Variants in DYRK1B observed in about 807,000 individuals in gnomAD.
DYRK1B encodes the protein dual specificity tyrosine phosphorylation regulated kinase 1B.
A neutral mutation model predicts 57.1 loss-of-function variants in DYRK1B; 20 were observed. The observed-to-expected ratio is 0.35, with a 90% CI of 0.25 to 0.51. DYRK1B has a LOEUF of 0.51. DYRK1B is among the 20% of genes least tolerant of loss of function. The pLI is 0.96. For missense variants in DYRK1B, 732 were observed against 886.3 expected (o/e 0.83, Z 2.21); for synonymous variants, 409 against 384.7 (o/e 1.06, Z -0.74).
rs146845211 is a variant in DYRK1B, at chr19:39,825,922, C to T, written c.1683G>A (p.Pro561=). The T allele has an allele frequency of 1.8e-5, 27 of 1,505,258 alleles. 1 individual carries two copies. Among genetic ancestry groups the T allele is most frequent in the Middle Eastern group, 3.6e-4 (2 of 5,618 alleles). The allele number at this position is 1,505,258 out of a possible 1,614,324, so 93.2% of individuals were successfully genotyped here. Residue 561 remains proline, a synonymous_variant, in exon 11 of 11, where the codon CCG becomes CCA. Coordinates refer to ENST00000323039, the MANE Select transcript of DYRK1B (RefSeq NM_004714.3). The stretch of plus-strand genomic sequence containing the variant: ...CCACCAGGCTCACATCCATCAGCTC[C>T]GGGGGTGGTGGTGAGGTTGGTGATG... ...RPPSPTSPPP[P]ELMDVSLVGG...
chr19:39,827,737 G>A (rs1178404770), intron 6 of DYRK1B, 81 bp from the exon 7 acceptor site: 3 of 1,524,502 alleles, frequency 2.0e-6, no homozygotes, highest in Middle Eastern at 1.7e-4. Flanking sequence ...GGACCCAACT[G>A]AGGACAGGCT....
chr19:39,829,223 T>C (rs1968690172), intron 5 of DYRK1B, among the ~76,000 whole-genome samples: 1 of 151,672 alleles, frequency 6.6e-6, no homozygotes, highest in African/African-American at 2.4e-5. Flanking sequence ...GGTTTTTTGT[T>C]TGTTTTGGGT....
At position 39,826,083 on chromosome 19, in the gene DYRK1B, G is replaced by A; in HGVS notation, c.1522C>T (p.Pro508Ser). The A allele has an allele frequency of 6.6e-7, 1 of 1,525,236 alleles. No individual in the cohort carries two copies. The allele number at this position is 1,525,236 out of a possible 1,614,324, so 94.5% of individuals were successfully genotyped here. ...CAGGGCCGCAGCGGCTGGGAGGGTG[G>A]GACCTAAAAAAGCAAAGGAGCCATG... is the stretch of plus-strand genomic sequence containing the variant. Reference protein sequence around the residue: ...TDCEMNSPQVPPSQPLRPWAG... With the variant: ...TDCEMNSPQVSPSQPLRPWAG... Residue 508 changes from proline (P) to serine (S), a missense_variant, in exon 11 of 11, where the codon CCA (proline) becomes TCA (serine). Pro to Ser is a moderately conservative substitution (Grantham distance 74, BLOSUM62 -1). Around this residue, in one of 2 missense-constraint regions of DYRK1B, gnomAD observed 222 missense variants for 205.0 expected, o/e 1.08. Coordinates refer to ENST00000323039, the MANE Select transcript of DYRK1B (RefSeq NM_004714.3). This position sits in a 1 kb window ranked among gnomAD's most constrained non-coding sequence, Gnocchi z 6.3.
At chr19:39,831,746 C>T in intron 2 of DYRK1B, 59 bp downstream of exon 2, 3 of 1,546,088 alleles carry the variant, frequency 1.9e-6, no homozygotes, top group Non-Finnish European at 2.6e-6. Flanking sequence ...GTCTGGAGAC[C>T]TTTCTATCCC....
chr19:39,831,781 G>A (rs781110345), intron 2 of DYRK1B, 24 bp downstream of exon 2: 8 of 1,549,110 alleles, frequency 5.2e-6, no homozygotes, highest in Non-Finnish European at 3.5e-6. Context: ...CACCACGCAG[G>A]TGAGGAGCCA....
At chr19:39,831,667 T>A in intron 2 of DYRK1B, 138 bp downstream of exon 2, 1 of 1,140,348 alleles carries the variant, frequency 8.8e-7, no homozygotes, top group Non-Finnish European at 1.3e-6. Context: ...AACTCCTCTG[T>A]TATTTTCCAA....
rs369511200 is a variant in DYRK1B, at chr19:39,828,288, G to A, written c.807+9C>T. ...CTAGCCGTGCTCCCAGGACCGGGCC[G>A]CCCCCTACCCTCTGGCCAAGCTGGC... On this transcript the variant is annotated intron_variant, in intron 6 of 10. Coordinates refer to ENST00000323039, the MANE Select transcript of DYRK1B (RefSeq NM_004714.3). This position sits in a 1 kb window ranked among gnomAD's most constrained non-coding sequence, Gnocchi z 4.3. The A allele has an allele frequency of 9.4e-5, 151 of 1,613,176 alleles. No individual in the cohort carries two copies. The African/African-American group carries it at 9.5e-4, about 10-fold the overall frequency.
chr19:39,826,314 G>T lies in DYRK1B; in HGVS notation c.1412-28C>A, dbSNP rs769863099. ...GGAAGTGCCAGGGAGGAGAGGTGAA[G>T]GGGCATAAGGTGAGAGAAGGTGGCG... is the stretch of plus-strand genomic sequence containing the variant. On this transcript the variant is annotated intron_variant, in intron 9 of 10. Coordinates refer to ENST00000323039, the MANE Select transcript of DYRK1B (RefSeq NM_004714.3). This position sits in a 1 kb window ranked among gnomAD's most constrained non-coding sequence, Gnocchi z 6.3. 1 of 1,521,524 alleles carries T rather than the reference G, an allele frequency of 6.6e-7. No homozygotes were observed. Among genetic ancestry groups the T allele is most frequent in the Admixed American group, 2.2e-5 (1 of 45,246 alleles). The allele number at this position is 1,521,524 out of a possible 1,614,324, so 94.3% of individuals were successfully genotyped here. A position where few individuals can be genotyped will look rare whatever the true frequency, so the allele number is the denominator to read the frequency against.
Position 39,826,701 on chromosome 19 carries a change from G to A in DYRK1B, c.1382C>T (p.Ser461Phe), listed in dbSNP as rs1474998130. 1.2e-6 allele frequency: 2 copies of A among 1,605,870 alleles called. No individual in the cohort carries two copies. Among genetic ancestry groups the A allele is most frequent in the Non-Finnish European group, 1.7e-6 (2 of 1,177,192 alleles). Residue 461 changes from serine to phenylalanine, a missense_variant, in exon 9 of 11, where the codon TCC becomes TTC. By Grantham distance (155) the Ser-to-Phe change is radical. Around this residue, in one of 2 missense-constraint regions of DYRK1B, gnomAD observed 510 missense variants for 681.3 expected, o/e 0.75. Coordinates refer to ENST00000323039, the MANE Select transcript of DYRK1B (RefSeq NM_004714.3). The surrounding 1 kb of genome is among the most constrained non-coding windows in gnomAD (Gnocchi z 6.3). Reference protein sequence around the residue: ...SPAPLDTCPSSSTASSISSSG... With the variant: ...SPAPLDTCPSFSTASSISSSG... ...ACTGGAGATGGAGCTGGCGGTGCTG[G>A]AAGAGGGGCAGGTGTCGAGGGGCGC...
chr19:39,825,820 C>T lies in DYRK1B; in HGVS notation c.1785G>A (p.Arg595=). 6.2e-7 allele frequency: 1 copy of T among 1,607,242 alleles called. No homozygotes were observed. Among genetic ancestry groups the T allele is most frequent in the African/African-American group, 1.3e-5 (1 of 74,912 alleles). Residue 595 remains arginine (R), a synonymous_variant, in exon 11 of 11, where the codon CGG becomes CGA. Transcript: ENST00000323039. ...QHPAASALRT[R]MTGGRPPLPP... is the part of the protein sequence containing the mutation. ...GGAGGGGTGGACGACCTCCAGTCAT[C>T]CGAGTCCGGAGGGCTGAGGCAGCCG...
At chr19:39,827,225 G>A (rs1968583116) in intron 8 of DYRK1B, 60 bp downstream of exon 8, 3 of 1,545,580 alleles carry the variant, frequency 1.9e-6, no homozygotes, top group Admixed American at 1.8e-5. Flanking sequence ...GGGGGAGAGA[G>A]CCCCAAGTGT....
intron 1 of DYRK1B, among the ~76,000 whole-genome samples, chr19:39,832,446 G>A (rs1372551773): frequency 6.6e-6 from 1 of 152,060 alleles, no homozygotes; most frequent in East Asian, 1.9e-4. Flanking sequence ...CCGTAGCACA[G>A]CCAGGGCCAA....
intron 8 of DYRK1B, 52 bp downstream of exon 8, chr19:39,827,233 T>G: frequency 1.9e-6 from 3 of 1,549,362 alleles, no homozygotes; most frequent in Non-Finnish European, 2.6e-6. Flanking sequence ...GAGCCCCAAG[T>G]GTGAGTGAGG....
At position 39,828,213 on chromosome 19, in the gene DYRK1B, A is replaced by T. The variant is rs534218699; in HGVS notation, c.807+84T>A. Reference sequence around the variant, plus strand: ...CCACGGCTCCTAATAATCCCATCCCAGCCAAGCCCCGCCCCTAAGCCTCCC... The same window carrying T: ...CCACGGCTCCTAATAATCCCATCCCTGCCAAGCCCCGCCCCTAAGCCTCCC... On this transcript the variant is annotated intron_variant, in intron 6 of 10. Transcript: ENST00000323039. The surrounding 1 kb of genome is among the most constrained non-coding windows in gnomAD (Gnocchi z 4.3). 3 of 1,474,916 alleles carry T rather than the reference A, an allele frequency of 2.0e-6. No individual in the cohort carries two copies. In the East Asian group the frequency reaches 6.9e-5, roughly 34 times the overall value. The allele number at this position is 1,474,916 out of a possible 1,614,324, so 91.4% of individuals were successfully genotyped here.
Position 39,829,976 on chromosome 19 carries a change from T to C in DYRK1B, c.424A>G (p.Ile142Val). The C allele has an allele frequency of 6.2e-7, 1 of 1,614,156 alleles. No individual in the cohort carries two copies. The highest frequency in any genetic ancestry group is 8.5e-7 in the Non-Finnish European group (1 of 1,180,040). ...QTQELVAIKIIKNKKAFLNQA... is the reference protein window; with the variant it reads ...QTQELVAIKIVKNKKAFLNQA... Reference sequence around the variant, plus strand: ...TTCAGGAAAGCCTTTTTGTTCTTGATGATCTTGATGGCCACAAGCTCCTGG... The same window carrying C: ...TTCAGGAAAGCCTTTTTGTTCTTGACGATCTTGATGGCCACAAGCTCCTGG... Residue 142 changes from isoleucine (I) to valine (V), a missense_variant, in exon 5 of 11, where the codon ATC (isoleucine) becomes GTC (valine). By Grantham distance (29) the Ile-to-Val change is conservative. Around this residue, in one of 2 missense-constraint regions of DYRK1B, gnomAD observed 510 missense variants for 681.3 expected, o/e 0.75. Coordinates refer to ENST00000323039, the MANE Select transcript of DYRK1B (RefSeq NM_004714.3).
chr19:39,830,753 T>C lies in DYRK1B; in HGVS notation c.94A>G (p.Arg32Gly), dbSNP rs770222474. ...GCATCCCGGAAGGCCAGGGGCAGCC[T>C]CCGAGGCAGTAGCCGCACATCAGGC... is the stretch of plus-strand genomic sequence containing the variant. The part of the protein sequence containing the change: ...VLPDVRLLPR[R>G]LPLAFRDATS... Residue 32 changes from arginine (R) to glycine (G), a missense_variant, in exon 3 of 11, where the codon AGG becomes GGG. This residue lies in a region of DYRK1B where 510 missense variants were observed against 681.3 expected (regional missense o/e 0.75). Transcript: ENST00000323039. The C allele has an allele frequency of 1.9e-6, 3 of 1,613,834 alleles. No individual in the cohort carries two copies.
chr19:39,825,859 AG>A lies in DYRK1B; in HGVS notation c.1745del (p.Pro582LeufsTer15). The A allele has an allele frequency of 3.1e-6, 5 of 1,604,648 alleles. No individual in the cohort carries two copies. The highest frequency in any genetic ancestry group is 3.4e-6 in the Non-Finnish European group (4 of 1,176,110). On this transcript the variant is annotated frameshift_variant, in exon 11 of 11. Coordinates refer to ENST00000323039, the MANE Select transcript of DYRK1B (RefSeq NM_004714.3). LOFTEE classifies it high-confidence loss of function. ...CTGAGGCAGCCGGGTGCTGGGGGGCAGGCGCTGGGTGAGGTGGGGAGCAGTC... is the reference window on the plus strand; with the variant it reads ...CTGAGGCAGCCGGGTGCTGGGGGGCAGCGCTGGGTGAGGTGGGGAGCAGTC... ...PADCSPPHPAPAPQHPAASAL... is the reference protein window; with the variant it reads ...PADCSPPHPAXAPQHPAASAL...
rs759511845 is a variant in DYRK1B at position 39,826,049 on chromosome 19, C to T, written c.1556G>A (p.Gly519Asp). 5 of 1,517,874 alleles carry T rather than the reference C, an allele frequency of 3.3e-6. No homozygotes were observed. The highest frequency in any genetic ancestry group is 2.8e-5 in the African/African-American group (2 of 71,472). 94.0% of individuals were successfully genotyped at this position (1,517,874 alleles called of 1,614,324 possible). The change falls in exon 11 of 11, where the codon GGT (glycine) becomes GAT (aspartate). Residue 519 changes from glycine (G) to aspartate (D), a missense_variant. By Grantham distance (94) the Gly-to-Asp change is moderately conservative (BLOSUM62 -1). Around this residue, in one of 2 missense-constraint regions of DYRK1B, gnomAD observed 222 missense variants for 205.0 expected, o/e 1.08. Transcript: ENST00000323039. This position sits in a 1 kb window ranked among gnomAD's most constrained non-coding sequence, Gnocchi z 6.3. ...PSQPLRPWAG[G>D]DVPHKTHQAP... ...TTGATGTGTCTTGTGGGGCACATCACCCCCTGCCCAGGGCCGCAGCGGCTG... is the reference window on the plus strand; with the variant it reads ...TTGATGTGTCTTGTGGGGCACATCATCCCCTGCCCAGGGCCGCAGCGGCTG...
At chr19:39,827,063 G>A in intron 8 of DYRK1B, 76 bp from the exon 9 acceptor site, 1 of 1,265,248 alleles carries the variant, frequency 7.9e-7, no homozygotes, top group Non-Finnish European at 1.1e-6. Flanking sequence ...ACACACACGG[G>A]GAAACAGAGG....
Sources: gnomAD v4.1 joint callset for allele counts (sites outside exome capture counted in the v4.1 genomes callset) on GRCh38, gnomAD v4.1.1 for gene constraint, gnomAD v4.1.1 regional missense constraint, Gnocchi (gnomAD v3.1) non-coding constraint, MANE v1.5 for transcripts, NCBI Gene and HGNC (gene_info 2026-07-23, HGNC 2026-07-21) for gene names.